Variants in POLI observed in about 807,000 individuals in gnomAD.
POLI encodes the protein RAD30 homolog B.
Under a neutral mutation model 51.6 loss-of-function variants are expected in POLI, and 58 were observed. The observed-to-expected ratio is 1.12, with a 90% CI of 0.91 to 1.40. POLI has a LOEUF of 1.40. Among genes scored for constraint, POLI ranks in the 40% most tolerant of loss-of-function variants. The pLI is 0.00. For synonymous variants in POLI, 322 were observed against 299.7 expected (o/e 1.07, Z -0.77); for missense variants, 921 against 871.3 (o/e 1.06, Z -0.72).
At chr18:54,289,433 C>T (rs2087893841) in intron 8 of POLI, among the ~76,000 whole-genome samples, 2 of 152,044 alleles carry the variant, frequency 1.3e-5, no homozygotes, top group African/African-American at 4.8e-5. Flanking sequence ...ATGCCATCCC[C>T]ATCAAGCTAC....
At chr18:54,270,491 G>T (rs2086957376) in intron 1 of POLI, 1 of 152,214 alleles carries the variant, frequency 6.6e-6, no homozygotes, top group African/African-American at 2.4e-5. Context: ...AGGTTTACCT[G>T]AAAGTTGCAG....
At chr18:54,320,487 TC>T (rs1206731074) in intron 4 of POLI, 2 of 152,234 alleles carry the variant, frequency 1.3e-5, no homozygotes, top group African/African-American at 4.8e-5. Flanking sequence ...CTATGAAGCA[TC>T]AGAGCTGTTC....
intron 7 of POLI, chr18:54,284,507 A>G (rs939751324): frequency 6.6e-6 from 1 of 152,256 alleles, no homozygotes; most frequent in Admixed American, 6.5e-5. Context: ...GCATTTCATT[A>G]AGAAGAAAAA....
chr18:54,314,250 T>A (rs1159978840), intron 3 of POLI, among the ~76,000 whole-genome samples: 2 of 152,108 alleles, frequency 1.3e-5, no homozygotes, highest in Non-Finnish European at 2.9e-5. Flanking sequence ...GCAAAGTTGG[T>A]TCAACATAAT....
chr18:54,320,294 G>A (rs1392367518), exon 4 of POLI: 1 of 152,084 alleles, frequency 6.6e-6, no homozygotes, highest in Non-Finnish European at 1.5e-5. Flanking sequence ...CCAGATTTCT[G>A]TGCATCCTCT....
At chr18:54,284,903 C>T (rs913780724) in intron 7 of POLI, among the ~76,000 whole-genome samples, 5 of 152,116 alleles carry the variant, frequency 3.3e-5, no homozygotes, top group East Asian at 1.9e-4. Context: ...TATCTGTTTT[C>T]GTCCCATTTC....
chr18:54,282,894 A>G lies in POLI; in HGVS notation c.854A>G (p.Asp285Gly), dbSNP rs200692792. 149 of 1,587,026 alleles carry G rather than the reference A, an allele frequency of 9.4e-5. No individual in the cohort carries two copies. The Middle Eastern group carries it at 1.8e-3, about 19-fold the overall frequency. The change falls in exon 6 of 10, where the codon GAT becomes GGT. Residue 285 changes from aspartate (D) to glycine (G), a missense_variant. Asp to Gly is a moderately conservative substitution (Grantham distance 94). Coordinates refer to ENST00000579534, the MANE Select transcript of POLI (RefSeq NM_007195.3). Reference protein sequence around the residue: ...LEALGINSVRDLQTFSPKILE... With the variant: ...LEALGINSVRGLQTFSPKILE... ...GCACTGGGTATCAATAGTGTGCGTG[A>G]TCTCCAAACCTTTTCACCCAAAATT...
chr18:54,277,935 T>C (rs958055538), intron 4 of POLI, 80 bp downstream of exon 4: 10 of 1,059,314 alleles, frequency 9.4e-6, no homozygotes, highest in South Asian at 6.7e-5. Context: ...GCTGTGTGAT[T>C]CTGAAAGATT....
intron 3 of POLI, among the ~76,000 whole-genome samples, chr18:54,307,165 C>G (rs527552517): frequency 1.3e-5 from 2 of 152,120 alleles, no homozygotes; most frequent in African/African-American, 4.8e-5. Context: ...TTCTCTAGTT[C>G]TTTTAATTGT....
chr18:54,306,254 T>C (rs1035817148), intron 3 of POLI, among the ~76,000 whole-genome samples: 3 of 152,248 alleles, frequency 2.0e-5, no homozygotes, highest in African/African-American at 7.2e-5. Flanking sequence ...GTGCCATCAA[T>C]ATCTAGTTTA....
chr18:54,280,381 TAC>T lies in POLI; in HGVS notation c.560-284_560-283del, dbSNP rs200017510. On this transcript the variant is annotated intron_variant, in intron 4 of 9. Coordinates refer to ENST00000579534, the MANE Select transcript of POLI (RefSeq NM_007195.3). ...AACAACCAGCTGTCTTTGGAACTAA[TAC>T]AGTCAGAAACTTACCCCTGAGGGAG... 3.8e-3 allele frequency among the ~76,000 whole-genome samples: 580 copies of T among 152,194 alleles called. 4 individuals are homozygous for T. Among genetic ancestry groups the T allele is most frequent in the African/African-American group, 0.013 (537 of 41,524 alleles).
intron 3 of POLI, among the ~76,000 whole-genome samples, chr18:54,305,805 C>A (rs1410566268): frequency 6.6e-6 from 1 of 151,958 alleles, no homozygotes; most frequent in Non-Finnish European, 1.5e-5. Context: ...GTCACCCAGG[C>A]TGGAGTGCAG....
rs1425213500 is a variant in POLI at position 54,296,282 on chromosome 18, G to A, written c.*1815G>A. The A allele has an allele frequency of 2.0e-6, 2 of 985,190 alleles. No homozygotes were observed. The highest frequency in any genetic ancestry group is 1.7e-5 in the African/African-American group (1 of 57,234). The allele number at this position is 985,190 out of a possible 1,614,324, so 61.0% of individuals were successfully genotyped here. A position where few individuals can be genotyped will look rare whatever the true frequency, so the allele number is the denominator to read the frequency against. On this transcript the variant is annotated 3_prime_UTR_variant, in exon 10 of 10. Coordinates refer to ENST00000579534, the MANE Select transcript of POLI (RefSeq NM_007195.3). The stretch of plus-strand genomic sequence containing the variant: ...GTTTTGGCCAGCTTAAAAAGAGAAA[G>A]CAAAATAGTTAAAAATACATTTCAT...
At chr18:54,292,215 G>A (rs994901429) in intron 9 of POLI, among the ~76,000 whole-genome samples, 177 bp downstream of exon 9, 12 of 152,054 alleles carry the variant, frequency 7.9e-5, no homozygotes, top group Non-Finnish European at 1.5e-4. Flanking sequence ...CCTTAAATAT[G>A]CTGTGATCTA....
Position 54,297,124 on chromosome 18 carries a change from G to C in POLI, c.*2657G>C. The C allele has an allele frequency of 1.0e-6, 1 of 985,344 alleles. No homozygotes were observed. Among genetic ancestry groups the C allele is most frequent in the Non-Finnish European group, 1.2e-6 (1 of 829,896 alleles). 61.0% of individuals were successfully genotyped at this position (985,344 alleles called of 1,614,324 possible). A position where few individuals can be genotyped will look rare whatever the true frequency, so the allele number is the denominator to read the frequency against. ...GCCTTGTCTTAAGTGTAAGCTCCCT[G>C]ACCCTTACTACTAGCCGAAGGTTTT... On this transcript the variant is annotated 3_prime_UTR_variant, in exon 10 of 10. Transcript: ENST00000579534.
rs547263128 is a variant in POLI at position 54,294,995 on chromosome 18, T to G, written c.*528T>G. The G allele has an allele frequency of 1.0e-3, 1,010 of 985,120 alleles. 2 individuals carry two copies. The highest frequency in any genetic ancestry group is 1.5e-3 in the South Asian group (32 of 21,278). The allele number at this position is 985,120 out of a possible 1,614,324, so 61.0% of individuals were successfully genotyped here. A position where few individuals can be genotyped will look rare whatever the true frequency, so the allele number is the denominator to read the frequency against. On this transcript the variant is annotated 3_prime_UTR_variant, in exon 10 of 10. Coordinates refer to ENST00000579534, the MANE Select transcript of POLI (RefSeq NM_007195.3). ...AAGCAATTTATATTCAATTAATGCT[T>G]CTTCATACACCAAGAATCTACCACA... is the stretch of plus-strand genomic sequence containing the variant.
rs1402580851 is a variant in POLI, at chr18:54,282,923, G to T, written c.883G>T (p.Glu295Ter). 1.2e-6 allele frequency: 2 copies of T among 1,602,378 alleles called. No individual in the cohort carries two copies. Among genetic ancestry groups the T allele is most frequent in the Non-Finnish European group, 1.7e-6 (2 of 1,173,918 alleles). Reference sequence around the variant, plus strand: ...CCAAACCTTTTCACCCAAAATTTTAGAAAAAGAATTAGGAATTTCAGTTGC... The same window carrying T: ...CCAAACCTTTTCACCCAAAATTTTATAAAAAGAATTAGGAATTTCAGTTGC... The part of the protein sequence containing the change: ...DLQTFSPKIL[E>*]KELGISVAQR... The change falls in exon 6 of 10, where the codon GAA becomes TAA. Residue 295 changes from glutamate to a stop codon, truncating the protein, a stop_gained. Transcript: ENST00000579534. LOFTEE classifies it high-confidence loss of function.
intron 8 of POLI, among the ~76,000 whole-genome samples, chr18:54,289,116 T>G (rs1380322574): frequency 6.6e-6 from 1 of 152,044 alleles, no homozygotes; most frequent in Non-Finnish European, 1.5e-5. Flanking sequence ...TTCCTGTACT[T>G]CTTTTTAGGT....
At chr18:54,279,932 A>G (rs1271328878) in intron 4 of POLI, among the ~76,000 whole-genome samples, 1 of 152,198 alleles carries the variant, frequency 6.6e-6, no homozygotes, top group African/African-American at 2.4e-5. Context: ...TTACGGGTAA[A>G]TATGAGTAAA....
Sources: allele counts gnomAD v4.1 joint callset (sites outside exome capture counted in the v4.1 genomes callset), GRCh38; gene constraint gnomAD v4.1.1; transcripts MANE v1.5; gene names NCBI Gene and HGNC (gene_info 2026-07-23, HGNC 2026-07-21).